The following IL17RA variants were observed in gnomAD, a reference collection of about 807,000 sequenced individuals.
IL17RA encodes the protein interleukin-17 receptor A.
A neutral mutation model predicts 50.4 loss-of-function variants in IL17RA; 34 were observed. The observed-to-expected ratio is 0.67, with a 90% CI of 0.51 to 0.90. IL17RA has a LOEUF of 0.90. IL17RA is among the 40% of genes least tolerant of loss of function. The pLI, the probability that IL17RA is intolerant of heterozygous loss-of-function variation, is 0.00. For missense variants in IL17RA, 1,276 were observed against 1,169.8 expected (o/e 1.09, Z -1.32); for synonymous variants, 585 against 510.4 (o/e 1.15, Z -1.97).
In IL17RA at chr22:17,097,036, T is replaced by C. The variant is rs376503501; in HGVS notation, c.139-26T>C. 11 of 1,611,340 alleles carry C rather than the reference T, an allele frequency of 6.8e-6. No individual in the cohort carries two copies. The African/African-American group carries it at 1.1e-4, about 16-fold the overall frequency. Reference sequence around the variant, plus strand: ...GTGAATTCAAGCCTTTTCCCAGCTGTAATAACCACCCTCTTTTTTCCACAG... The same window carrying C: ...GTGAATTCAAGCCTTTTCCCAGCTGCAATAACCACCCTCTTTTTTCCACAG... On this transcript the variant is annotated intron_variant, in intron 1 of 12. Transcript: ENST00000319363.
chr22:17,112,231 A>G lies in IL17RA; in HGVS notation c.*2411A>G, dbSNP rs1388987593. 1 of 152,112 alleles carries G rather than the reference A, an allele frequency of 6.6e-6. No homozygotes were observed. The highest frequency in any genetic ancestry group is 1.5e-5 in the Non-Finnish European group (1 of 68,010). 9.4% of individuals were successfully genotyped at this position (152,112 alleles called of 1,614,324 possible). On this transcript the variant is annotated 3_prime_UTR_variant, in exon 13 of 13. Transcript: ENST00000319363. ...CTGGCCTTTGAGCCCATGCCAGTAA[A>G]TGTCCTGATGGGCATTGCCTACTAT...
chr22:17,109,449 G>T lies in IL17RA; in HGVS notation c.2230G>T (p.Val744Leu). The T allele has an allele frequency of 6.2e-7, 1 of 1,613,342 alleles. No homozygotes were observed. The highest frequency in any genetic ancestry group is 8.5e-7 in the Non-Finnish European group (1 of 1,179,974). ...GTCTCCTGACCTCCTTCCAGAGGACGTGAGGGAGCACCTCGAAGGCTTGAT... is the reference window on the plus strand; with the variant it reads ...GTCTCCTGACCTCCTTCCAGAGGACTTGAGGGAGCACCTCGAAGGCTTGAT... ...MASPDLLPED[V>L]REHLEGLMLS... Residue 744 changes from valine to leucine, a missense_variant, in exon 13 of 13, where the codon GTG becomes TTG. Val to Leu is a conservative substitution (Grantham distance 32, BLOSUM62 1). Transcript: ENST00000319363.
chr22:17,105,833 C>A lies in IL17RA; in HGVS notation c.944-20C>A. On this transcript the variant is annotated intron_variant, in intron 10 of 12. Coordinates refer to ENST00000319363, the MANE Select transcript of IL17RA (RefSeq NM_014339.7). Reference sequence around the variant, plus strand: ...AGGGCAGGCCCCGCCGCATCACTCACGCTGTTCTGCTCACCGCAGACTACA... The same window carrying A: ...AGGGCAGGCCCCGCCGCATCACTCAAGCTGTTCTGCTCACCGCAGACTACA... The A allele has an allele frequency of 6.4e-7, 1 of 1,561,222 alleles. No homozygotes were observed. The highest frequency in any genetic ancestry group is 8.8e-7 in the Non-Finnish European group (1 of 1,136,832).
At chr22:17,087,529 G>A (rs2061332619) in intron 1 of IL17RA, among the ~76,000 whole-genome samples, 1 of 152,210 alleles carries the variant, frequency 6.6e-6, no homozygotes, top group Non-Finnish European at 1.5e-5. Flanking sequence ...CATATGTGTT[G>A]ACTGAACAAA....
chr22:17,085,160 G>A lies in IL17RA; in HGVS notation c.69G>A (p.Leu23=). ...GPLLGLLLLL[L]GVLAPGGASL... ...TGCTGGGGCTGCTCCTGCTGCTCCT[G>A]GGCGTGCTGGCCCCGGGTGGCGCCT... The change falls in exon 1 of 13, where the codon CTG becomes CTA. Residue 23 remains leucine (L), a synonymous_variant. Coordinates refer to ENST00000319363, the MANE Select transcript of IL17RA (RefSeq NM_014339.7). 6.6e-7 allele frequency: 1 copy of A among 1,521,434 alleles called. No homozygotes were observed. The highest frequency in any genetic ancestry group is 8.8e-7 in the Non-Finnish European group (1 of 1,140,326). The allele number at this position is 1,521,434 out of a possible 1,614,324, so 94.2% of individuals were successfully genotyped here. A position where few individuals can be genotyped will look rare whatever the true frequency, so the allele number is the denominator to read the frequency against.
chr22:17,109,484 C>T lies in IL17RA; in HGVS notation c.2265C>T (p.Leu755=), dbSNP rs1413844932. 6.2e-7 allele frequency: 1 copy of T among 1,610,666 alleles called. No individual in the cohort carries two copies. The highest frequency in any genetic ancestry group is 8.5e-7 in the Non-Finnish European group (1 of 1,178,814). The change falls in exon 13 of 13, where the codon CTC becomes CTT. Residue 755 remains leucine, a synonymous_variant. Coordinates refer to ENST00000319363, the MANE Select transcript of IL17RA (RefSeq NM_014339.7). ...REHLEGLMLS[L]FEQSLSCQAQ... is the part of the protein sequence containing the mutation. The stretch of plus-strand genomic sequence containing the variant: ...ACCTCGAAGGCTTGATGCTCTCGCT[C>T]TTCGAGCAGAGTCTGAGCTGCCAGG...
At chr22:17,100,610 G>A in intron 5 of IL17RA, 129 bp downstream of exon 5, 2 of 1,212,016 alleles carry the variant, frequency 1.7e-6, no homozygotes, top group East Asian at 4.7e-5. Flanking sequence ...GGGACCCACA[G>A]AACAAACAGA....
At chr22:17,096,869 CAAAAA>C (rs5844287) in intron 1 of IL17RA, among the ~76,000 whole-genome samples, 188 bp from the exon 2 acceptor site, 1 of 116,098 alleles carries the variant, frequency 8.6e-6, no homozygotes. Context: ...GACTCCATCT[CAAAAA>C]AAAAAAAAAA....
intron 1 of IL17RA, among the ~76,000 whole-genome samples, chr22:17,092,735 C>CTTT (rs2061352285): frequency 6.6e-6 from 1 of 151,496 alleles, no homozygotes; most frequent in South Asian, 2.1e-4. Context: ...TTCTTTCTTT[C>CTTT]CTTTTTTAAA....
chr22:17,086,196 C>G lies in IL17RA; in HGVS notation c.138+967C>G, dbSNP rs145214364. 6.6e-5 allele frequency among the ~76,000 whole-genome samples: 10 copies of G among 152,174 alleles called. 1 individual carries two copies. The East Asian group carries it at 1.7e-3, about 27-fold the overall frequency. On this transcript the variant is annotated intron_variant, in intron 1 of 12. Coordinates refer to ENST00000319363, the MANE Select transcript of IL17RA (RefSeq NM_014339.7). ...CTCCACAATATACTCTCCTCTTCCC[C>G]GCATCCCCGAGGGGATCTTTCCTCC...
In IL17RA at chr22:17,105,789, TG is replaced by T. The variant is rs1347133378; in HGVS notation, c.944-59del. ...AGAGCCTGGGGCTGGGGAGCAGGGC[TG>T]GGGGCCTCAGGGTGGGCAGGGCAGG... On this transcript the variant is annotated intron_variant, in intron 10 of 12. Transcript: ENST00000319363. The T allele has an allele frequency of 6.8e-6, 10 of 1,477,898 alleles. No homozygotes were observed. The East Asian group carries it at 1.8e-4, about 27-fold the overall frequency. 91.5% of individuals were successfully genotyped at this position (1,477,898 alleles called of 1,614,324 possible).
intron 1 of IL17RA, among the ~76,000 whole-genome samples, chr22:17,093,244 T>C (rs575413956): frequency 8.5e-5 from 13 of 152,240 alleles, no homozygotes; most frequent in Non-Finnish European, 1.2e-4. Context: ...TGGACTTCAC[T>C]GTATAGGAGG....
chr22:17,095,653 CAG>C (rs1387364516), intron 1 of IL17RA, among the ~76,000 whole-genome samples: 6 of 152,128 alleles, frequency 3.9e-5, no homozygotes, highest in African/African-American at 1.4e-4. Flanking sequence ...TGAGAGGACT[CAG>C]GGGAGTTAAT....
chr22:17,094,088 A>G (rs1239064712), intron 1 of IL17RA: 2 of 151,990 alleles, frequency 1.3e-5, no homozygotes, highest in African/African-American at 4.8e-5. Flanking sequence ...GGTTCAAGCA[A>G]TTCTCCCACC....
At chr22:17,087,523 T>C (rs557137027) in intron 1 of IL17RA, among the ~76,000 whole-genome samples, 1 of 152,332 alleles carries the variant, frequency 6.6e-6, no homozygotes, top group South Asian at 2.1e-4. Flanking sequence ...TTGATACATA[T>C]GTGTTGACTG....
chr22:17,105,574 C>G lies in IL17RA; in HGVS notation c.932-17C>G, dbSNP rs2061410534. 2 of 1,611,710 alleles carry G rather than the reference C, an allele frequency of 1.2e-6. No homozygotes were observed. The highest frequency in any genetic ancestry group is 4.5e-5 in the East Asian group (2 of 44,882). ...TTAAGAATGCTATTTTCCCTTTTTC[C>G]TCTGTTCTCATTGCAGAACCAATTC... On this transcript the variant is annotated splice_polypyrimidine_tract_variant and intron_variant, in intron 9 of 12. Transcript: ENST00000319363.
chr22:17,102,381 G>A, intron 7 of IL17RA, 79 bp downstream of exon 7: 1 of 1,517,106 alleles, frequency 6.6e-7, no homozygotes, highest in Non-Finnish European at 9.1e-7. Context: ...CTGCTGGTCT[G>A]ACAGAACCGC....
At position 17,108,317 on chromosome 22, in the gene IL17RA, T is replaced by G. The variant is rs1205919426; in HGVS notation, c.1098T>G (p.Pro366=). 6 of 1,613,984 alleles carry G rather than the reference T, an allele frequency of 3.7e-6. No homozygotes were observed. In the African/African-American group the frequency reaches 8.0e-5, roughly 22 times the overall value. Residue 366 remains proline, a synonymous_variant, in exon 13 of 13, where the codon CCT becomes CCG. Coordinates refer to ENST00000319363, the MANE Select transcript of IL17RA (RefSeq NM_014339.7). ...SDDTKYTDGL[P]AADLIPPPLK... Reference sequence around the variant, plus strand: ...GTCTTGTTTCCTTAGATGGCCTGCCTGCGGCTGACCTGATCCCCCCACCGC... The same window carrying G: ...GTCTTGTTTCCTTAGATGGCCTGCCGGCGGCTGACCTGATCCCCCCACCGC...
At chr22:17,102,945 C>G (rs1324833471) in intron 7 of IL17RA, among the ~76,000 whole-genome samples, 1 of 152,150 alleles carries the variant, frequency 6.6e-6, no homozygotes, top group Non-Finnish European at 1.5e-5. Context: ...AGTTCGAGAC[C>G]AGCCTGACCA....
Sources: gnomAD v4.1 joint callset for allele counts (sites outside exome capture counted in the v4.1 genomes callset) on GRCh38, gnomAD v4.1.1 for gene constraint, MANE v1.5 for transcripts, NCBI Gene and HGNC (gene_info 2026-07-23, HGNC 2026-07-21) for gene names.